Variants in ADGRB3 observed in about 807,000 individuals in gnomAD.
The protein encoded by ADGRB3 is adhesion G protein-coupled receptor B3.
Under a neutral mutation model 193.4 loss-of-function variants are expected in ADGRB3, and 37 were observed. The observed-to-expected ratio is 0.19, with a 90% CI of 0.15 to 0.25. The LOEUF is 0.25. Ranked by LOEUF, ADGRB3 falls within the 10% of genes least tolerant of loss-of-function variation. ADGRB3 has a pLI of 1.00. For synonymous variants in ADGRB3, 690 were observed against 644.2 expected (o/e 1.07, Z -1.08); for missense variants, 1,637 against 1,852.9 (o/e 0.88, Z 2.14).
At chr6:69,351,622 A>T (rs1376219539) in intron 26 of ADGRB3, among the ~76,000 whole-genome samples, 1 of 152,192 alleles carries the variant, frequency 6.6e-6, no homozygotes, top group Non-Finnish European at 1.5e-5. Flanking sequence ...TGATTCATGA[A>T]GCTGACATCA....
Position 68,643,075 on chromosome 6 carries a change from A to G in ADGRB3, c.757+3643A>G, listed in dbSNP as rs1401854337. ...CTACACCAGGATATCTAAATCACAT[A>G]ATAAGCCTTAATGGAATCTTTGTTT... On this transcript the variant is annotated intron_variant, in intron 3 of 31. Transcript: ENST00000370598. Among the ~76,000 whole-genome samples, 3 of 152,230 alleles carry G rather than the reference A, an allele frequency of 2.0e-5. No homozygotes were observed. In the East Asian group the frequency reaches 5.8e-4, roughly 29 times the overall value.
At chr6:69,155,384 A>C (rs1420268809) in intron 17 of ADGRB3, among the ~76,000 whole-genome samples, 2 of 152,218 alleles carry the variant, frequency 1.3e-5, no homozygotes, top group East Asian at 3.8e-4. Context: ...AAACTAGAAA[A>C]AACAATCCAC....
At chr6:69,125,556 G>A (rs1773829483) in intron 17 of ADGRB3, among the ~76,000 whole-genome samples, 1 of 152,078 alleles carries the variant, frequency 6.6e-6, no homozygotes, top group African/African-American at 2.4e-5. Context: ...CTTCCACGTG[G>A]AAGCAGGCCT....
At chr6:69,141,898 G>T (rs190775156) in intron 17 of ADGRB3, among the ~76,000 whole-genome samples, 1 of 152,224 alleles carries the variant, frequency 6.6e-6, no homozygotes, top group South Asian at 2.1e-4. Context: ...CTAGTAAGAA[G>T]CAGGGTTGGG....
At chr6:69,027,611 A>G (rs1469356625) in intron 13 of ADGRB3, among the ~76,000 whole-genome samples, 1 of 152,200 alleles carries the variant, frequency 6.6e-6, no homozygotes, top group Non-Finnish European at 1.5e-5. Flanking sequence ...TGATGTAGGT[A>G]CTAAAAGGAT....
At chr6:68,718,219 CG>C (rs1209944311) in intron 3 of ADGRB3, among the ~76,000 whole-genome samples, 5 of 151,680 alleles carry the variant, frequency 3.3e-5, no homozygotes, top group African/African-American at 1.2e-4. Context: ...CACAAATGTT[CG>C]TGTGTTCAGA....
chr6:69,385,463 A>G (rs867342682), intron 31 of ADGRB3, among the ~76,000 whole-genome samples: 2 of 152,046 alleles, frequency 1.3e-5, no homozygotes, highest in Non-Finnish European at 2.9e-5. Context: ...CAGCCCTGCC[A>G]TATTTTTGGG....
chr6:69,200,282 A>C (rs1765392034), intron 17 of ADGRB3, among the ~76,000 whole-genome samples: 1 of 152,110 alleles, frequency 6.6e-6, no homozygotes, highest in Non-Finnish European at 1.5e-5. Flanking sequence ...GGTAGGGATA[A>C]CTTGAAAAAA....
At chr6:68,994,896 T>C (rs2150275725) in intron 11 of ADGRB3, among the ~76,000 whole-genome samples, 1 of 148,820 alleles carries the variant, frequency 6.7e-6, no homozygotes, top group African/African-American at 2.5e-5. Context: ...TGTTTTGTTT[T>C]GTTTTAATTA....
intron 29 of ADGRB3, among the ~76,000 whole-genome samples, chr6:69,365,422 A>C (rs576123056): frequency 3.9e-5 from 6 of 152,166 alleles, no homozygotes; most frequent in Non-Finnish European, 4.4e-5. Context: ...CCTAGGAGGT[A>C]CACTGACCTC....
chr6:69,272,657 A>G lies in ADGRB3; in HGVS notation c.2814+33431A>G, dbSNP rs531526770. ...CTTTAGAAACACAAAATTGACTAAA[A>G]TGTGAGGAATGAATTAGAATAAGGA... On this transcript the variant is annotated intron_variant, in intron 20 of 31. Coordinates refer to ENST00000370598, the MANE Select transcript of ADGRB3 (RefSeq NM_001704.3). Among the ~76,000 whole-genome samples the G allele has an allele frequency of 2.0e-5, 3 of 152,284 alleles. No individual in the cohort carries two copies. The East Asian group carries it at 5.8e-4, about 29-fold the overall frequency.
chr6:68,934,196 T>C (rs943123775), intron 4 of ADGRB3, among the ~76,000 whole-genome samples: 1 of 152,150 alleles, frequency 6.6e-6, no homozygotes, highest in African/African-American at 2.4e-5. Flanking sequence ...CTGGCAAAAT[T>C]TTAATTCAAA....
At chr6:68,721,627 A>AATATATAT (rs71852236) in intron 3 of ADGRB3, among the ~76,000 whole-genome samples, 1,679 of 140,116 alleles carry the variant, frequency 0.012, 27 homozygotes, top group African/African-American at 0.039. Context: ...AAGTATAATA[A>AATATATAT]ATATATATAT....
At chr6:69,143,667 C>T (rs939072279) in intron 17 of ADGRB3, among the ~76,000 whole-genome samples, 1 of 152,084 alleles carries the variant, frequency 6.6e-6, no homozygotes, top group African/African-American at 2.4e-5. Flanking sequence ...ATTCTTGGCA[C>T]CTTTGTGGTA....
At chr6:69,008,899 A>G (rs376864242) in intron 11 of ADGRB3, among the ~76,000 whole-genome samples, 3 of 152,296 alleles carry the variant, frequency 2.0e-5, no homozygotes, top group South Asian at 4.1e-4. Context: ...ATCTGTAAAA[A>G]TAAGTGTCAT....
intron 3 of ADGRB3, among the ~76,000 whole-genome samples, chr6:68,656,647 T>G (rs2127284298): frequency 6.6e-6 from 1 of 151,586 alleles, no homozygotes; most frequent in South Asian, 2.1e-4. Flanking sequence ...ATTTGCTGGG[T>G]TTGACATTTT....
At chr6:69,283,957 C>T (rs1307807901) in intron 20 of ADGRB3, among the ~76,000 whole-genome samples, 1 of 152,162 alleles carries the variant, frequency 6.6e-6, no homozygotes, top group African/African-American at 2.4e-5. Flanking sequence ...ACTCTGTAAG[C>T]TCTTCCCTGA....
At chr6:69,261,856 A>G (rs1020137509) in intron 20 of ADGRB3, among the ~76,000 whole-genome samples, 3 of 152,030 alleles carry the variant, frequency 2.0e-5, no homozygotes, top group Non-Finnish European at 2.9e-5. Context: ...ATTCCAATGG[A>G]TATTGGTATT....
rs548044923 is a variant in ADGRB3 at position 69,004,024 on chromosome 6, C to T, written c.1930-10014C>T. ...ATGAGACTGCTAGTTTTACCTTTTC[C>T]GAAGCTCCTATTATTTTCTTCAGAG... On this transcript the variant is annotated intron_variant, in intron 11 of 31. Transcript: ENST00000370598. Among the ~76,000 whole-genome samples, 11 of 152,176 alleles carry T rather than the reference C, an allele frequency of 7.2e-5. No individual in the cohort carries two copies. In the South Asian group the frequency reaches 1.7e-3, roughly 23 times the overall value.
Sources: gnomAD v4.1 joint callset for allele counts (sites outside exome capture counted in the v4.1 genomes callset) on GRCh38, gnomAD v4.1.1 for gene constraint, MANE v1.5 for transcripts, NCBI Gene and HGNC (gene_info 2026-07-23, HGNC 2026-07-21) for gene names.